The following SNRNP48 variants were observed in gnomAD, a reference collection of about 807,000 sequenced individuals.
SNRNP48 encodes the protein small nuclear ribonucleoprotein U11/U12 subunit 48, also known as U11/U12 small nuclear ribonucleoprotein 48 kDa protein.
In SNRNP48, 43 loss-of-function variants were observed where a neutral mutation model predicts 47.0. That is an observed-to-expected ratio of 0.92 (90% CI 0.72 to 1.18). SNRNP48 has a LOEUF of 1.18. SNRNP48 is among the 50% of genes most tolerant of loss of function. The pLI is 0.00. For missense variants in SNRNP48, 396 were observed against 422.2 expected (o/e 0.94, Z 0.54); for synonymous variants, 138 against 144.0 (o/e 0.96, Z 0.30).
Position 7,601,353 on chromosome 6 carries a change from C to CT in SNRNP48, c.424_425insT (p.Pro142LeufsTer3), listed in dbSNP as rs777075670. The CT allele has an allele frequency of 6.4e-7, 1 of 1,570,992 alleles. No individual in the cohort carries two copies. On this transcript the variant is annotated frameshift_variant, in exon 5 of 9. Coordinates refer to ENST00000342415, the MANE Select transcript of SNRNP48 (RefSeq NM_152551.4). LOFTEE classifies it high-confidence loss of function. ...TACTTTAGGAATTTATTCTTCATTG[C>CT]CTGTTGAAGTTCCTTTGAATCACAA...
At chr6:7,594,071 TAAG>T in intron 2 of SNRNP48, 25 bp from the exon 3 acceptor site, 1 of 1,297,178 alleles carries the variant, frequency 7.7e-7, no homozygotes, top group Non-Finnish European at 1.1e-6. Context: ...ATCTGATACT[TAAG>T]AACAGTAAGA....
intron 8 of SNRNP48, among the ~76,000 whole-genome samples, chr6:7,606,885 A>G (rs987264056): frequency 6.6e-6 from 1 of 152,362 alleles, no homozygotes. Flanking sequence ...CATTTTAGAT[A>G]CTTCCTTCCA....
At chr6:7,605,677 A>G (rs899940813) in intron 7 of SNRNP48, among the ~76,000 whole-genome samples, 191 bp downstream of exon 7, 4 of 152,218 alleles carry the variant, frequency 2.6e-5, no homozygotes, top group Admixed American at 6.5e-5. Flanking sequence ...ACCCTTTGAC[A>G]GTTTTCAGGG....
rs4959444 is a variant in SNRNP48, at chr6:7,599,901, G to A, written c.407-1435G>A. 9.0e-6 allele frequency: 9 copies of A among 1,000,738 alleles called. No individual in the cohort carries two copies. In the South Asian group the frequency reaches 1.1e-4, roughly 12 times the overall value. 62.0% of individuals were successfully genotyped at this position (1,000,738 alleles called of 1,614,324 possible). A position where few individuals can be genotyped will look rare whatever the true frequency, so the allele number is the denominator to read the frequency against. On this transcript the variant is annotated intron_variant, in intron 4 of 8. Coordinates refer to ENST00000342415, the MANE Select transcript of SNRNP48 (RefSeq NM_152551.4). ...TTAAGATGAATAAATTGAAGAAAAG[G>A]CTAAAATAATTTAAGAAGGAAATTA... is the stretch of plus-strand genomic sequence containing the variant.
At chr6:7,592,237 CAG>C (rs1443384583) in intron 1 of SNRNP48, among the ~76,000 whole-genome samples, 1 of 152,044 alleles carries the variant, frequency 6.6e-6, no homozygotes, top group African/African-American at 2.4e-5. Flanking sequence ...AGTTCAGAGA[CAG>C]GGAGTGACCA....
intron 8 of SNRNP48, among the ~76,000 whole-genome samples, chr6:7,607,268 T>TG (rs1479907210): frequency 6.6e-6 from 1 of 152,200 alleles, no homozygotes; most frequent in Non-Finnish European, 1.5e-5. Context: ...CAGTGAGCCG[T>TG]GTTCTCACCC....
chr6:7,593,058 T>A (rs1759846633), intron 1 of SNRNP48, among the ~76,000 whole-genome samples: 1 of 152,134 alleles, frequency 6.6e-6, no homozygotes, highest in African/African-American at 2.4e-5. Context: ...GTCTTTAATA[T>A]ACGGTACTGG....
intron 4 of SNRNP48, among the ~76,000 whole-genome samples, chr6:7,595,744 A>G (rs1287809223): frequency 6.6e-6 from 1 of 152,178 alleles, no homozygotes; most frequent in Non-Finnish European, 1.5e-5. Flanking sequence ...CTACCCAGTA[A>G]GTGAGTTGGT....
Position 7,602,488 on chromosome 6 carries a change from T to G in SNRNP48, c.596-135T>G, listed in dbSNP as rs554590449. ...AAACTTAGCCCGTGTATATAAATAA[T>G]ATACAATTTTTAGAATGTTTTTATG... On this transcript the variant is annotated intron_variant, in intron 5 of 8. Coordinates refer to ENST00000342415, the MANE Select transcript of SNRNP48 (RefSeq NM_152551.4). 5.5e-4 allele frequency: 361 copies of G among 653,198 alleles called. 3 individuals are homozygous for G. In the African/African-American group the frequency reaches 5.8e-3, roughly 11 times the overall value. The allele number at this position is 653,198 out of a possible 1,614,324, so 40.5% of individuals were successfully genotyped here.
intron 4 of SNRNP48, among the ~76,000 whole-genome samples, chr6:7,596,180 TGC>T (rs1412586384): frequency 6.6e-6 from 1 of 151,948 alleles, no homozygotes; most frequent in African/African-American, 2.4e-5. Context: ...CAGGAAGAAT[TGC>T]TTGAACCCAG....
At chr6:7,606,270 C>A in intron 8 of SNRNP48, 75 bp downstream of exon 8, 6 of 1,365,618 alleles carry the variant, frequency 4.4e-6, no homozygotes, top group Non-Finnish European at 4.9e-6. Flanking sequence ...CTGTTGTAGA[C>A]CATGCTGAGA....
intron 1 of SNRNP48, among the ~76,000 whole-genome samples, chr6:7,592,372 A>ATT (rs59852711): frequency 7.9e-5 from 11 of 139,264 alleles, no homozygotes; most frequent in Admixed American, 2.9e-4. Context: ...GAAAGTCTAG[A>ATT]TTTTTTTTTT....
At position 7,610,687 on chromosome 6, in the gene SNRNP48, GAGATTGAAAA is replaced by G. The variant is rs1261703429; in HGVS notation, c.*1815_*1824del. The G allele has an allele frequency of 7.0e-6, 1 of 143,040 alleles. No homozygotes were observed. The highest frequency in any genetic ancestry group is 2.6e-4 in the East Asian group (1 of 3,882). 8.9% of individuals were successfully genotyped at this position (143,040 alleles called of 1,614,324 possible). A position where few individuals can be genotyped will look rare whatever the true frequency, so the allele number is the denominator to read the frequency against. On this transcript the variant is annotated 3_prime_UTR_variant, in exon 9 of 9. Coordinates refer to ENST00000342415, the MANE Select transcript of SNRNP48 (RefSeq NM_152551.4). ...AAATAGAAGAGTACGGAGAAAGGAA[GAGATTGAAAA>G]TGTTACCAGAGTTCTTTAAAGCTCA... is the stretch of plus-strand genomic sequence containing the variant.
At chr6:7,594,453 G>T (rs908483249) in intron 3 of SNRNP48, among the ~76,000 whole-genome samples, 1 of 152,192 alleles carries the variant, frequency 6.6e-6, no homozygotes, top group African/African-American at 2.4e-5. Flanking sequence ...ATTGAAGGAT[G>T]AGACTGAAGA....
At chr6:7,600,623 GAGC>G (rs1401642955) in intron 4 of SNRNP48, 3 of 151,880 alleles carry the variant, frequency 2.0e-5, no homozygotes, top group Non-Finnish European at 4.4e-5. Flanking sequence ...TTTCACTAAT[GAGC>G]AGATTTTAGA....
At chr6:7,594,987 T>C in intron 3 of SNRNP48, 40 bp from the exon 4 acceptor site, 1 of 1,514,202 alleles carries the variant, frequency 6.6e-7, no homozygotes, top group Non-Finnish European at 9.0e-7. Flanking sequence ...TGGTCACTGA[T>C]GATTCATATT....
chr6:7,593,674 G>T, intron 1 of SNRNP48, 60 bp from the exon 2 acceptor site: 1 of 1,067,082 alleles, frequency 9.4e-7, no homozygotes, highest in South Asian at 1.8e-5. Context: ...AACATTTAAT[G>T]GTAATTATTT....
chr6:7,596,968 A>T (rs778575492), intron 4 of SNRNP48, among the ~76,000 whole-genome samples: 2 of 152,242 alleles, frequency 1.3e-5, no homozygotes, highest in Non-Finnish European at 2.9e-5. Flanking sequence ...TGCATTTTAC[A>T]GATAAGAAAA....
intron 8 of SNRNP48, among the ~76,000 whole-genome samples, chr6:7,608,468 C>T (rs1397180638): frequency 6.6e-6 from 1 of 151,936 alleles, no homozygotes; most frequent in Non-Finnish European, 1.5e-5. Flanking sequence ...AGGCAGGAAT[C>T]GCTTGAATCC....
Sources: gnomAD v4.1 joint callset for allele counts (sites outside exome capture counted in the v4.1 genomes callset) on GRCh38, gnomAD v4.1.1 for gene constraint, MANE v1.5 for transcripts, NCBI Gene and HGNC (gene_info 2026-07-23, HGNC 2026-07-21) for gene names.